Variants in MAGI2 observed in about 807,000 individuals in gnomAD.
The protein encoded by MAGI2 is membrane associated guanylate kinase, WW and PDZ domain containing 2.
A neutral mutation model predicts 133.3 loss-of-function variants in MAGI2; 35 were observed. The ratio of observed to expected loss-of-function variants is 0.26; its 90% CI spans 0.20 to 0.35. The LOEUF (loss-of-function observed/expected upper bound fraction) is 0.35. Ranked by LOEUF, MAGI2 falls within the 10% of genes least tolerant of loss-of-function variation. The probability of loss-of-function intolerance (pLI) is 1.00; values close to 1 mark genes in which losing one functional copy is unlikely to be tolerated. For synonymous variants in MAGI2, 729 were observed against 710.6 expected, an observed-to-expected ratio of 1.03 and a Z score of -0.41; for missense variants, 1,636 against 1,863.4, an observed-to-expected ratio of 0.88 and a Z score of 2.25.
chr7:78,535,545 A>C (rs1797816137), intron 3 of MAGI2, among the ~76,000 whole-genome samples: 1 of 152,036 alleles, frequency 6.6e-6, no homozygotes, highest in Admixed American at 6.6e-5. Flanking sequence ...ATGACAATGA[A>C]AGAGCTCTGT....
chr7:78,512,959 G>A (rs1015262100), intron 4 of MAGI2, among the ~76,000 whole-genome samples: 1 of 152,068 alleles, frequency 6.6e-6, no homozygotes, highest in African/African-American at 2.4e-5. Context: ...TAACAGGGGA[G>A]AAGAAAATAT....
At chr7:78,572,419 A>AT (rs1801596519) in intron 3 of MAGI2, among the ~76,000 whole-genome samples, 1 of 152,096 alleles carries the variant, frequency 6.6e-6, no homozygotes, top group Non-Finnish European at 1.5e-5. Flanking sequence ...AAGTTCATAG[A>AT]TGTGGGGCTA....
chr7:78,344,066 G>C (rs987158739), intron 8 of MAGI2, 106 bp from the exon 9 acceptor site: 8 of 969,402 alleles, frequency 8.3e-6, no homozygotes, highest in Admixed American at 5.6e-5. Flanking sequence ...GGGTAAATGT[G>C]GGGGGTCTTA....
At chr7:78,940,137 TATA>T (rs1191950359) in intron 2 of MAGI2, among the ~76,000 whole-genome samples, 2 of 152,196 alleles carry the variant, frequency 1.3e-5, no homozygotes, top group Non-Finnish European at 2.9e-5. Flanking sequence ...AACATTGTAT[TATA>T]ATAATAATAC....
intron 4 of MAGI2, among the ~76,000 whole-genome samples, chr7:78,514,014 G>A (rs995502510): frequency 6.8e-6 from 1 of 146,274 alleles, no homozygotes; most frequent in Non-Finnish European, 1.5e-5. Context: ...CTTGAACCCA[G>A]GAGGCAGAGG....
intron 1 of MAGI2, among the ~76,000 whole-genome samples, chr7:79,342,429 C>A (rs1485369366): frequency 1.3e-5 from 2 of 152,172 alleles, no homozygotes; most frequent in Non-Finnish European, 2.9e-5. Flanking sequence ...GTCCCAATAT[C>A]CCTTACAGAA....
intron 4 of MAGI2, among the ~76,000 whole-genome samples, chr7:78,506,435 C>T (rs959910844): frequency 3.3e-5 from 5 of 152,030 alleles, no homozygotes; most frequent in African/African-American, 1.2e-4. Context: ...ATAATTTTAG[C>T]CATGAGTAAA....
intron 4 of MAGI2, among the ~76,000 whole-genome samples, chr7:78,506,225 A>G (rs563612624): frequency 1.3e-5 from 2 of 152,282 alleles, no homozygotes; most frequent in South Asian, 2.1e-4. Context: ...TAGATTTTAT[A>G]ACCTGCCATG....
At chr7:78,312,686 C>T (rs1157225731) in intron 9 of MAGI2, among the ~76,000 whole-genome samples, 1 of 152,048 alleles carries the variant, frequency 6.6e-6, no homozygotes, top group Non-Finnish European at 1.5e-5. Context: ...TTATACACTG[C>T]TGGTGGGAAT....
chr7:79,357,250 C>G (rs897923358), intron 1 of MAGI2, among the ~76,000 whole-genome samples: 1 of 152,154 alleles, frequency 6.6e-6, no homozygotes, highest in Non-Finnish European at 1.5e-5. Flanking sequence ...CCTCATCAGG[C>G]TTGTTGACAA....
chr7:79,020,015 G>A (rs1359335921), intron 1 of MAGI2, among the ~76,000 whole-genome samples: 1 of 152,212 alleles, frequency 6.6e-6, no homozygotes, highest in Non-Finnish European at 1.5e-5. Flanking sequence ...ACATAAAGAT[G>A]TGCGAAAGTT....
At chr7:78,894,244 A>T (rs1797020546) in intron 2 of MAGI2, among the ~76,000 whole-genome samples, 1 of 152,162 alleles carries the variant, frequency 6.6e-6, no homozygotes, top group Non-Finnish European at 1.5e-5. Flanking sequence ...CACTAAAAAT[A>T]CAAAATTTAG....
chr7:78,043,629 G>A (rs556605320), intron 21 of MAGI2, among the ~76,000 whole-genome samples: 3 of 152,288 alleles, frequency 2.0e-5, no homozygotes, highest in South Asian at 4.1e-4. Context: ...GCTTGAATGA[G>A]TCGAGCGAGT....
chr7:78,176,587 C>T (rs1459252290), intron 14 of MAGI2, among the ~76,000 whole-genome samples: 1 of 152,166 alleles, frequency 6.6e-6, no homozygotes, highest in East Asian at 1.9e-4. Context: ...AGGCAATCTA[C>T]TTTACTCTGA....
intron 1 of MAGI2, among the ~76,000 whole-genome samples, chr7:79,108,788 T>C (rs1045997712): frequency 6.6e-6 from 1 of 151,890 alleles, no homozygotes; most frequent in African/African-American, 2.4e-5. Flanking sequence ...TGGTGGGAGG[T>C]GTTTAGATCA....
chr7:78,542,458 ATAAG>A (rs1408162649), intron 3 of MAGI2, among the ~76,000 whole-genome samples: 1 of 152,236 alleles, frequency 6.6e-6, no homozygotes, highest in Non-Finnish European at 1.5e-5. Context: ...AATCAAATAA[ATAAG>A]TGAGAAAGAG....
At chr7:78,795,870 A>C (rs1787562453) in intron 2 of MAGI2, among the ~76,000 whole-genome samples, 1 of 152,166 alleles carries the variant, frequency 6.6e-6, no homozygotes, top group Non-Finnish European at 1.5e-5. Flanking sequence ...AAAGGTGCCA[A>C]GAACATACAA....
At chr7:78,410,953 T>C (rs931767077) in intron 6 of MAGI2, among the ~76,000 whole-genome samples, 1 of 152,014 alleles carries the variant, frequency 6.6e-6, no homozygotes, top group African/African-American at 2.4e-5. Context: ...TAATTAAAGA[T>C]GTTATCGTTG....
At chr7:78,599,788 C>T (rs1045705269) in intron 3 of MAGI2, among the ~76,000 whole-genome samples, 4 of 152,148 alleles carry the variant, frequency 2.6e-5, no homozygotes, top group African/African-American at 9.7e-5. Flanking sequence ...GTACTAGGGA[C>T]GTGCCCAGAA....
Sources: gnomAD v4.1 joint callset for allele counts (sites outside exome capture counted in the v4.1 genomes callset) on GRCh38, gnomAD v4.1.1 for gene constraint, MANE v1.5 for transcripts, NCBI Gene and HGNC (gene_info 2026-07-23, HGNC 2026-07-21) for gene names.